The following AK9 variants were observed in gnomAD, a reference collection of about 807,000 sequenced individuals.
AK9 encodes the protein adenylate kinase 9.
A neutral mutation model predicts 239.6 loss-of-function variants in AK9; 191 were observed. That is an observed-to-expected ratio of 0.80 (90% CI 0.71 to 0.90). The LOEUF (loss-of-function observed/expected upper bound fraction) is 0.90, where lower values mean the gene tolerates loss of function less well. AK9 is among the 40% of genes least tolerant of loss of function. The probability of loss-of-function intolerance (pLI) is 0.00; values close to 1 mark genes in which losing one functional copy is unlikely to be tolerated. For missense variants in AK9, 1,995 were observed against 2,214.7 expected (o/e 0.90, Z 1.99); for synonymous variants, 689 against 721.0 (o/e 0.96, Z 0.71).
intron 9 of AK9, among the ~76,000 whole-genome samples, chr6:109,641,968 GC>G (rs1298320958): frequency 1.3e-5 from 2 of 152,140 alleles, no homozygotes; most frequent in East Asian, 3.9e-4. Flanking sequence ...ATAACAGTCT[GC>G]CCTCTGGTCC....
At chr6:109,558,113 G>A (rs1479464675) in intron 24 of AK9, among the ~76,000 whole-genome samples, 2 of 152,084 alleles carry the variant, frequency 1.3e-5, no homozygotes, top group African/African-American at 2.4e-5. Context: ...TGAGTATTAA[G>A]AGTTCTTTAT....
chr6:109,621,893 T>TAAAAAAAAAAA (rs59405869), intron 12 of AK9, among the ~76,000 whole-genome samples: 92 of 55,180 alleles, frequency 1.7e-3, no homozygotes, highest in African/African-American at 2.9e-3. Context: ...AAAGTATAAT[T>TAAAAAAAAAAA]AAAAAAAAAA....
At chr6:109,648,911 T>G in intron 8 of AK9, among the ~76,000 whole-genome samples, 1 of 152,182 alleles carries the variant, frequency 6.6e-6, no homozygotes, top group Non-Finnish European at 1.5e-5. Flanking sequence ...GTGGGCTTCA[T>G]CCCTGGGATG....
rs1398785259 is a variant in AK9, at chr6:109,661,024, C to G, written c.444+1527G>C. ...ATACATAAAGTTTTATGTATAATTT[C>G]AAGAGGTTCATGAATGCTTAGGGAT... On this transcript the variant is annotated intron_variant, in intron 6 of 40. Coordinates refer to ENST00000424296, the MANE Select transcript of AK9 (RefSeq NM_001145128.3). 27 of 469,586 alleles carry G rather than the reference C, an allele frequency of 5.7e-5. No individual in the cohort carries two copies. In the Admixed American group the frequency reaches 6.1e-4, roughly 11 times the overall value. The allele number at this position is 469,586 out of a possible 1,614,324, so 29.1% of individuals were successfully genotyped here.
At chr6:109,494,781 A>AAAAAT (rs1164422273) in intron 39 of AK9, among the ~76,000 whole-genome samples, 1 of 152,024 alleles carries the variant, frequency 6.6e-6, no homozygotes, top group African/African-American at 2.4e-5. Context: ...TAAAAATAGT[A>AAAAAT]AAAATAAAAT....
intron 18 of AK9, 121 bp downstream of exon 18, chr6:109,585,795 A>G: frequency 2.2e-6 from 2 of 922,130 alleles, no homozygotes; most frequent in Non-Finnish European, 3.2e-6. Context: ...TAGTTCCTGC[A>G]GGGATTGCTG....
At chr6:109,519,528 T>G (rs777675568) in intron 29 of AK9, among the ~76,000 whole-genome samples, 1 of 152,116 alleles carries the variant, frequency 6.6e-6, no homozygotes. Context: ...GGCATGGTGG[T>G]TCATACCTGT....
chr6:109,494,787 A>T (rs890756525), intron 39 of AK9, among the ~76,000 whole-genome samples: 4 of 151,758 alleles, frequency 2.6e-5, no homozygotes, highest in African/African-American at 9.7e-5. Context: ...TAGTAAAAAT[A>T]AAATAAAATA....
intron 31 of AK9, among the ~76,000 whole-genome samples, chr6:109,515,516 CCT>C (rs1035821712): frequency 2.0e-5 from 3 of 152,212 alleles, no homozygotes; most frequent in African/African-American, 7.2e-5. Context: ...ATTGCTCCTC[CCT>C]GAGAGCTACC....
At chr6:109,620,770 T>C (rs1222713696) in intron 12 of AK9, among the ~76,000 whole-genome samples, 1 of 151,528 alleles carries the variant, frequency 6.6e-6, no homozygotes, top group African/African-American at 2.4e-5. Context: ...TATATACACA[T>C]AATAGTATAC....
chr6:109,614,520 G>T (rs1355200565), intron 13 of AK9, 40 bp from the exon 14 acceptor site: 1 of 1,514,880 alleles, frequency 6.6e-7, no homozygotes, highest in East Asian at 2.5e-5. Context: ...AAACGTAGTT[G>T]GGGATAGAAA....
At chr6:109,676,189 A>G in intron 1 of AK9, among the ~76,000 whole-genome samples, 1 of 152,150 alleles carries the variant, frequency 6.6e-6, no homozygotes. Context: ...GGTTAATTCC[A>G]TGAAGAAAAC....
intron 23 of AK9, 105 bp downstream of exon 23, chr6:109,563,975 C>A (rs983646411): frequency 8.3e-6 from 10 of 1,202,726 alleles, no homozygotes; most frequent in Non-Finnish European, 1.1e-5. Context: ...CTTGGATATA[C>A]TGAACATTTA....
chr6:109,640,577 A>ATTT (rs60569476), intron 10 of AK9, among the ~76,000 whole-genome samples: 1 of 149,410 alleles, frequency 6.7e-6, no homozygotes, highest in Non-Finnish European at 1.5e-5. Flanking sequence ...CTCCACCCCA[A>ATTT]TTTTTTTTTT....
intron 17 of AK9, among the ~76,000 whole-genome samples, chr6:109,609,222 T>C (rs77984475): frequency 0.014 from 2,207 of 152,296 alleles, 56 homozygotes; most frequent in African/African-American, 0.051. Context: ...AGGGCAAATA[T>C]GGAAATTCCA....
At chr6:109,661,894 A>G (rs1800469761) in intron 6 of AK9, among the ~76,000 whole-genome samples, 1 of 152,220 alleles carries the variant, frequency 6.6e-6, no homozygotes, top group Non-Finnish European at 1.5e-5. Context: ...GGAAATCAAG[A>G]CTTCTAGATG....
intron 12 of AK9, chr6:109,632,105 T>C: frequency 2.1e-6 from 2 of 962,588 alleles, no homozygotes; most frequent in Non-Finnish European, 2.5e-6. Context: ...TGGTTGGTGG[T>C]TACATGGGGG....
intron 5 of AK9, 144 bp from the exon 6 acceptor site, chr6:109,662,807 CACTT>C: frequency 3.6e-6 from 1 of 280,890 alleles, no homozygotes; most frequent in Middle Eastern, 1.4e-3. Context: ...TTTAAATTAA[CACTT>C]AAAGTTATTG....
At chr6:109,636,782 A>ACACACACACACACC (rs1310827687) in intron 10 of AK9, among the ~76,000 whole-genome samples, 1 of 147,622 alleles carries the variant, frequency 6.8e-6, no homozygotes, top group African/African-American at 2.5e-5. Flanking sequence ...ACACACACAC[A>ACACACACACACACC]CCACATTTTA....
Sources: gnomAD v4.1 joint callset for allele counts (sites outside exome capture counted in the v4.1 genomes callset) on GRCh38, gnomAD v4.1.1 for gene constraint, MANE v1.5 for transcripts, NCBI Gene and HGNC (gene_info 2026-07-23, HGNC 2026-07-21) for gene names.